CSMD1: variants seen among roughly 807,000 people sequenced by gnomAD.
CSMD1 encodes the protein CUB and sushi domain-containing protein 1.
Under a neutral mutation model 417.5 loss-of-function variants are expected in CSMD1, and 213 were observed. The observed-to-expected ratio is 0.51, with a 90% CI of 0.46 to 0.57. The LOEUF (loss-of-function observed/expected upper bound fraction) is 0.57. Among genes scored for constraint, CSMD1 ranks in the 20% least tolerant of loss-of-function variants. The pLI, the probability that CSMD1 is intolerant of heterozygous loss-of-function variation, is 0.00. For missense variants in CSMD1, 6,923 were observed against 4,529.7 expected (o/e 1.53, Z -15.17); for synonymous variants, 2,862 against 1,736.8 (o/e 1.65, Z -16.11).
rs1803691868 is a variant in CSMD1, at chr8:4,389,380, A to G, written c.415+30573T>C. On this transcript the variant is annotated intron_variant, in intron 3 of 69. Coordinates refer to ENST00000635120, the MANE Select transcript of CSMD1 (RefSeq NM_033225.6). ...GTGGAGGGAGTACTTGGAAATTACT[A>G]TTAATGAGGTCCCCAGAATTAGACC... Among the ~76,000 whole-genome samples the G allele has an allele frequency of 2.0e-5, 3 of 152,188 alleles. No individual in the cohort carries two copies. The South Asian group carries it at 6.2e-4, about 32-fold the overall frequency.
At chr8:3,887,753 T>C (rs1806663336) in intron 5 of CSMD1, among the ~76,000 whole-genome samples, 2 of 152,226 alleles carry the variant, frequency 1.3e-5, no homozygotes, top group African/African-American at 4.8e-5. Context: ...CAGATTACTG[T>C]AATATCTCCC....
intron 22 of CSMD1, among the ~76,000 whole-genome samples, chr8:3,346,814 C>T (rs760634271): frequency 6.6e-6 from 1 of 152,206 alleles, no homozygotes; most frequent in Non-Finnish European, 1.5e-5. Flanking sequence ...ATCTAAAATG[C>T]ATCATTATGT....
At chr8:3,559,018 C>A (rs892187085) in intron 10 of CSMD1, among the ~76,000 whole-genome samples, 5 of 152,116 alleles carry the variant, frequency 3.3e-5, no homozygotes, top group Non-Finnish European at 7.4e-5. Flanking sequence ...GGTCTGGTGA[C>A]CTGTCATGAA....
chr8:3,339,620 G>T (rs1001281073), intron 23 of CSMD1, among the ~76,000 whole-genome samples: 1 of 152,114 alleles, frequency 6.6e-6, no homozygotes. Flanking sequence ...ACTCTCAGAG[G>T]GCTACTCTGA....
intron 11 of CSMD1, among the ~76,000 whole-genome samples, chr8:3,491,353 A>G (rs1359754937): frequency 6.6e-6 from 1 of 152,238 alleles, no homozygotes. Context: ...TGATATTATT[A>G]GACCCAAATT....
At chr8:3,499,623 G>A (rs192937608) in intron 10 of CSMD1, among the ~76,000 whole-genome samples, 2 of 151,966 alleles carry the variant, frequency 1.3e-5, no homozygotes, top group African/African-American at 4.8e-5. Context: ...CAGGGTCTTG[G>A]GAGCATGCAC....
intron 23 of CSMD1, among the ~76,000 whole-genome samples, chr8:3,340,676 T>C (rs1381009041): frequency 6.6e-6 from 1 of 152,202 alleles, no homozygotes; most frequent in East Asian, 1.9e-4. Context: ...CTTGGGGAGC[T>C]GGGGATTTCT....
intron 1 of CSMD1, among the ~76,000 whole-genome samples, chr8:4,896,016 A>G (rs908582350): frequency 6.6e-6 from 1 of 152,068 alleles, no homozygotes; most frequent in African/African-American, 2.4e-5. Context: ...TCTGATTGAG[A>G]TATTTGTAAT....
chr8:4,521,863 G>A (rs1803470974), intron 2 of CSMD1, among the ~76,000 whole-genome samples: 1 of 152,222 alleles, frequency 6.6e-6, no homozygotes, highest in South Asian at 2.1e-4. Flanking sequence ...CAGCGCTTTA[G>A]CTCCTGGGAA....
chr8:3,786,426 G>C (rs545443875), intron 5 of CSMD1, among the ~76,000 whole-genome samples: 2 of 152,240 alleles, frequency 1.3e-5, no homozygotes, highest in South Asian at 2.1e-4. Context: ...GACCACAAAA[G>C]TACGAGAGAA....
At chr8:3,157,836 G>C (rs1416223342) in intron 39 of CSMD1, 61 bp downstream of exon 39, 3 of 1,340,060 alleles carry the variant, frequency 2.2e-6, no homozygotes, top group African/African-American at 1.5e-5. Context: ...CCCAAGAGTA[G>C]AGCAGGCATG....
chr8:3,293,656 G>C (rs189911265), intron 25 of CSMD1, among the ~76,000 whole-genome samples: 4 of 152,150 alleles, frequency 2.6e-5, no homozygotes, highest in Non-Finnish European at 4.4e-5. Flanking sequence ...CGTAGTCCTC[G>C]TGCCTTGGTT....
At chr8:3,842,040 C>A (rs35675163) in intron 5 of CSMD1, among the ~76,000 whole-genome samples, 195 of 152,206 alleles carry the variant, frequency 1.3e-3, no homozygotes, top group African/African-American at 4.5e-3. Context: ...CTAATGCATA[C>A]CCTTGTTCTT....
chr8:4,733,227 A>C (rs747429294), intron 1 of CSMD1, among the ~76,000 whole-genome samples: 3 of 152,224 alleles, frequency 2.0e-5, no homozygotes, highest in Non-Finnish European at 4.4e-5. Context: ...CTAATTCAAA[A>C]AGTTCATTTC....
At chr8:3,744,491 G>C (rs1407535985) in intron 6 of CSMD1, among the ~76,000 whole-genome samples, 5 of 33,868 alleles carry the variant, frequency 1.5e-4, no homozygotes, top group Non-Finnish European at 2.8e-4. Flanking sequence ...CTTTTTGGAG[G>C]CAAAAATAAA....
intron 2 of CSMD1, among the ~76,000 whole-genome samples, chr8:4,551,989 T>G (rs1368691740): frequency 6.6e-6 from 1 of 152,056 alleles, no homozygotes; most frequent in Admixed American, 6.6e-5. Context: ...TCCTAGCTGG[T>G]CACATTCTTT....
rs575204184 is a variant in CSMD1, at chr8:3,854,472, A to C, written c.819-100430T>G. 2.0e-5 allele frequency among the ~76,000 whole-genome samples: 3 copies of C among 152,300 alleles called. No homozygotes were observed. In the South Asian group the frequency reaches 6.2e-4, roughly 32 times the overall value. On this transcript the variant is annotated intron_variant, in intron 5 of 69. Transcript: ENST00000635120. Reference sequence around the variant, plus strand: ...ACTTCAAAATTACTTGGCACACGTTATAGCTGTATTAACTTTTGAGATACA... The same window carrying C: ...ACTTCAAAATTACTTGGCACACGTTCTAGCTGTATTAACTTTTGAGATACA...
intron 3 of CSMD1, among the ~76,000 whole-genome samples, chr8:4,189,694 T>G (rs1159649980): frequency 6.6e-6 from 1 of 152,016 alleles, no homozygotes; most frequent in Non-Finnish European, 1.5e-5. Flanking sequence ...GAAAGAGTGT[T>G]GAGAATTAAT....
rs60411612 is a variant in CSMD1 at position 4,042,815 on chromosome 8, TAAA to T, written c.416-10719_416-10717del. Among the ~76,000 whole-genome samples the T allele has an allele frequency of 5.7e-3, 236 of 41,280 alleles. 9 individuals are homozygous for T. The highest frequency in any genetic ancestry group is 0.024 in the Middle Eastern group (1 of 42). The allele number at this position is 41,280 out of a possible 152,430, so 27.1% of individuals were successfully genotyped here. On this transcript the variant is annotated intron_variant, in intron 3 of 69. Transcript: ENST00000635120. Reference sequence around the variant, plus strand: ...CAATAGGTGAAGTGGTACAACATATTAAAAAAAAAAAAAAAAAAAAAAAAAAAG... The same window carrying T: ...CAATAGGTGAAGTGGTACAACATATTAAAAAAAAAAAAAAAAAAAAAAAAG...
Sources: allele counts gnomAD v4.1 joint callset (sites outside exome capture counted in the v4.1 genomes callset), GRCh38; gene constraint gnomAD v4.1.1; transcripts MANE v1.5; gene names NCBI Gene and HGNC (gene_info 2026-07-23, HGNC 2026-07-21).